Variants in DIP2C observed in about 807,000 individuals in gnomAD.
DIP2C encodes disco-interacting protein 2 homolog C.
DIP2C carries 33 observed loss-of-function variants against 192.4 expected under a neutral mutation model. The observed-to-expected ratio is 0.17, with a 90% CI of 0.13 to 0.23. The LOEUF is 0.23. Ranked by LOEUF, DIP2C falls within the 10% of genes least tolerant of loss-of-function variation. The probability of loss-of-function intolerance (pLI) is 1.00; values close to 1 mark genes in which losing one functional copy is unlikely to be tolerated. For synonymous variants in DIP2C, 979 were observed against 864.1 expected (o/e 1.13, Z -2.33); for missense variants, 1,537 against 2,110.1 (o/e 0.73, Z 5.32).
Position 310,012 on chromosome 10 carries a change from A to C in DIP2C, c.3986+19T>G. 6.2e-7 allele frequency: 1 copy of C among 1,612,368 alleles called. No homozygotes were observed. Among genetic ancestry groups the C allele is most frequent in the East Asian group, 2.2e-5 (1 of 44,872 alleles). On this transcript the variant is annotated intron_variant, in intron 32 of 36. Transcript: ENST00000280886. The stretch of plus-strand genomic sequence containing the variant: ...AACAAAAAAAGGAAAAAAAGAAAAA[A>C]CCCAGAAGTGTACAGTACCTGTCGT...
At chr10:668,677 A>G (rs1349619591) in intron 1 of DIP2C, 1 of 152,262 alleles carries the variant, frequency 6.6e-6, no homozygotes, top group Non-Finnish European at 1.5e-5. Flanking sequence ...CATACAACAC[A>G]TACTGTACAG....
At chr10:417,729 C>A (rs1301006403) in intron 6 of DIP2C, among the ~76,000 whole-genome samples, 3 of 137,228 alleles carry the variant, frequency 2.2e-5, no homozygotes, top group South Asian at 4.7e-4. Context: ...TCCCTGTCTG[C>A]CTGCGCCTGT....
At chr10:658,186 A>C (rs1398579333) in intron 1 of DIP2C, among the ~76,000 whole-genome samples, 25 of 84,938 alleles carry the variant, frequency 2.9e-4, no homozygotes, top group Non-Finnish European at 2.8e-4. Context: ...CCTGGACCTC[A>C]CACTGGACCT....
chr10:446,669 C>G (rs575431815), intron 3 of DIP2C, among the ~76,000 whole-genome samples: 1 of 152,164 alleles, frequency 6.6e-6, no homozygotes, highest in East Asian at 1.9e-4. Context: ...GTGGGCAGAG[C>G]GCCCCGGCTG....
At chr10:627,937 G>A (rs1382158794) in intron 1 of DIP2C, among the ~76,000 whole-genome samples, 2 of 152,250 alleles carry the variant, frequency 1.3e-5, no homozygotes, top group Non-Finnish European at 2.9e-5. Flanking sequence ...CAGGGTCTGT[G>A]TCTGCATCTG....
chr10:567,317 T>C (rs1849517747), intron 1 of DIP2C, among the ~76,000 whole-genome samples: 1 of 152,174 alleles, frequency 6.6e-6, no homozygotes, highest in East Asian at 1.9e-4. Context: ...GCCTCCTGAA[T>C]AGCTGGGATT....
intron 1 of DIP2C, among the ~76,000 whole-genome samples, chr10:595,219 T>A (rs1851634698): frequency 6.6e-6 from 1 of 152,072 alleles, no homozygotes; most frequent in African/African-American, 2.4e-5. Flanking sequence ...ACAGCCAACG[T>A]CCCCTCACGC....
chr10:277,549 C>T lies in DIP2C; in HGVS notation c.4447G>A (p.Val1483Met). ...CAVFTWTNLL[V>M]VVVELDGSEQ... ...GACCCATCCAGCTCAACCACAACCACCAACAAATTTGTCCAGGTAAACACA... is the reference window on the plus strand; with the variant it reads ...GACCCATCCAGCTCAACCACAACCATCAACAAATTTGTCCAGGTAAACACA... Residue 1483 changes from valine (V) to methionine (M), a missense_variant, in exon 37 of 37, where the codon GTG becomes ATG. Coordinates refer to ENST00000280886, the MANE Select transcript of DIP2C (RefSeq NM_014974.3). The T allele has an allele frequency of 6.2e-7, 1 of 1,614,078 alleles. No individual in the cohort carries two copies. Among genetic ancestry groups the T allele is most frequent in the Non-Finnish European group, 8.5e-7 (1 of 1,180,038 alleles).
chr10:466,192 T>G (rs1170646389), intron 3 of DIP2C, among the ~76,000 whole-genome samples: 1 of 151,712 alleles, frequency 6.6e-6, no homozygotes, highest in Non-Finnish European at 1.5e-5. Context: ...AAAACAGAGA[T>G]ATAGATCAAT....
intron 13 of DIP2C, among the ~76,000 whole-genome samples, chr10:388,714 G>A (rs528981619): frequency 6.6e-6 from 1 of 152,340 alleles, no homozygotes; most frequent in South Asian, 2.1e-4. Flanking sequence ...TTAAAAGGGA[G>A]ATTATGAGGA....
chr10:280,439 G>A (rs190951132), intron 36 of DIP2C, among the ~76,000 whole-genome samples: 36 of 152,028 alleles, frequency 2.4e-4, no homozygotes, highest in South Asian at 2.1e-4. Context: ...TAAAGCCAAC[G>A]GTGTTGAGTC....
chr10:467,995 C>G (rs773379486), intron 3 of DIP2C, among the ~76,000 whole-genome samples: 1 of 152,066 alleles, frequency 6.6e-6, no homozygotes, highest in Admixed American at 6.6e-5. Context: ...CTGGGGCAAC[C>G]ACAGTAGCTC....
intron 22 of DIP2C, among the ~76,000 whole-genome samples, chr10:359,588 C>T (rs901391550): frequency 1.3e-5 from 2 of 152,158 alleles, no homozygotes; most frequent in Non-Finnish European, 1.5e-5. Flanking sequence ...GAGGAATAGC[C>T]TTTTCACATT....
At chr10:392,705 T>C (rs547224371) in intron 10 of DIP2C, among the ~76,000 whole-genome samples, 2 of 151,314 alleles carry the variant, frequency 1.3e-5, no homozygotes, top group East Asian at 2.0e-4. Flanking sequence ...CACACATACG[T>C]GCCCAGGTAC....
intron 1 of DIP2C, chr10:664,833 A>C (rs1281278595): frequency 1.3e-5 from 2 of 152,340 alleles, no homozygotes; most frequent in East Asian, 3.9e-4. Context: ...GAAGGAATTA[A>C]AACTCCTAAC....
intron 1 of DIP2C, among the ~76,000 whole-genome samples, chr10:564,632 ATC>A (rs1282344859): frequency 6.6e-6 from 1 of 152,048 alleles, no homozygotes; most frequent in Admixed American, 6.5e-5. Context: ...CTGTTTCCTC[ATC>A]TCTAACATGA....
intron 1 of DIP2C, among the ~76,000 whole-genome samples, chr10:557,741 GA>G (rs1848967306): frequency 2.1e-5 from 1 of 48,530 alleles, no homozygotes; most frequent in Non-Finnish European, 3.8e-5. Context: ...GGAAGGGGGA[GA>G]GGATGGGTGG....
At chr10:385,190 C>T (rs920155638) in intron 14 of DIP2C, among the ~76,000 whole-genome samples, 1 of 151,830 alleles carries the variant, frequency 6.6e-6, no homozygotes, top group South Asian at 2.1e-4. Flanking sequence ...ACCACGGACA[C>T]CGGGCTGCAC....
intron 3 of DIP2C, among the ~76,000 whole-genome samples, chr10:465,374 G>T (rs1186652246): frequency 1.3e-5 from 2 of 149,464 alleles, no homozygotes; most frequent in Non-Finnish European, 3.0e-5. Flanking sequence ...ATTAGGTATT[G>T]ATGGGACATA....
Sources: gnomAD v4.1 joint callset for allele counts (sites outside exome capture counted in the v4.1 genomes callset) on GRCh38, gnomAD v4.1.1 for gene constraint, MANE v1.5 for transcripts, NCBI Gene and HGNC (gene_info 2026-07-23, HGNC 2026-07-21) for gene names.